The following BAIAP2 variants were observed in gnomAD, a reference collection of about 807,000 sequenced individuals.
BAIAP2 encodes BAR/IMD domain-containing adapter protein 2.
A neutral mutation model predicts 63.0 loss-of-function variants in BAIAP2; 18 were observed. The ratio of observed to expected loss-of-function variants is 0.29; its 90% CI spans 0.20 to 0.42. BAIAP2 has a LOEUF of 0.42. Among genes scored for constraint, BAIAP2 ranks in the 10% least tolerant of loss-of-function variants. BAIAP2 has a pLI of 1.00. For synonymous variants in BAIAP2, 386 were observed against 307.6 expected, an observed-to-expected ratio of 1.25 and a Z score of -2.67; for missense variants, 610 against 734.3, an observed-to-expected ratio of 0.83 and a Z score of 1.96.
chr17:81,072,153 G>C (rs1443729561), intron 3 of BAIAP2, among the ~76,000 whole-genome samples: 1 of 152,230 alleles, frequency 6.6e-6, no homozygotes, highest in Non-Finnish European at 1.5e-5. Flanking sequence ...AGCTTGGGGA[G>C]GGTGGGCTGG....
rs1408649867 is a variant in BAIAP2, at chr17:81,111,434, G to A, written c.1535+2925G>A. On this transcript the variant is annotated intron_variant, in intron 13 of 13. Transcript: ENST00000428708. ...GGGGAGAACCCTGGGGAGCTCCATA[G>A]GCACTGGAGCCAGGTGTTGGGCCCA... 2.0e-5 allele frequency among the ~76,000 whole-genome samples: 3 copies of A among 152,352 alleles called. No homozygotes were observed. The East Asian group carries it at 5.8e-4, about 29-fold the overall frequency.
intron 3 of BAIAP2, among the ~76,000 whole-genome samples, chr17:81,072,874 G>GCCTCACGGA (rs1329688052): frequency 2.6e-5 from 4 of 152,034 alleles, no homozygotes; most frequent in African/African-American, 9.7e-5. Flanking sequence ...TGTCCCGTGG[G>GCCTCACGGA]CCTCACGGAC....
At chr17:81,108,573 G>C (rs2146050442) in intron 13 of BAIAP2, 64 bp downstream of exon 13, 1 of 1,598,420 alleles carries the variant, frequency 6.3e-7, no homozygotes, top group South Asian at 1.1e-5. Context: ...GGGTGGGGCA[G>C]GTCCCTCTGC....
At chr17:81,099,139 C>G (rs368926678) in intron 6 of BAIAP2, among the ~76,000 whole-genome samples, 1 of 152,170 alleles carries the variant, frequency 6.6e-6, no homozygotes, top group South Asian at 2.1e-4. Flanking sequence ...ACCTGTGGAT[C>G]TGATCTTGCT....
At position 81,116,460 on chromosome 17, in the gene BAIAP2, C is replaced by A; in HGVS notation, c.*621C>A. On this transcript the variant is annotated 3_prime_UTR_variant, in exon 14 of 14. Coordinates refer to ENST00000428708, the MANE Select transcript of BAIAP2 (RefSeq NM_001144888.2). ...CTCCCCAGGCCCCTCCTGCCTCGGG[C>A]AGGCCCCAGCCCTCCTCCTTACCCA... 1.0e-6 allele frequency: 1 copy of A among 985,704 alleles called. No homozygotes were observed. Among genetic ancestry groups the A allele is most frequent in the Non-Finnish European group, 1.5e-6 (1 of 682,014 alleles). 61.1% of individuals were successfully genotyped at this position (985,704 alleles called of 1,614,324 possible). A position where few individuals can be genotyped will look rare whatever the true frequency, so the allele number is the denominator to read the frequency against.
intron 3 of BAIAP2, among the ~76,000 whole-genome samples, chr17:81,079,172 G>A (rs1457750811): frequency 6.6e-6 from 1 of 152,188 alleles, no homozygotes; most frequent in Admixed American, 6.5e-5. Context: ...AGCCTCACCT[G>A]ACTCAGGTGC....
intron 1 of BAIAP2, among the ~76,000 whole-genome samples, chr17:81,043,106 A>G (rs1198201703): frequency 1.1e-4 from 17 of 151,782 alleles, no homozygotes; most frequent in Admixed American, 1.1e-3. Flanking sequence ...GGGTCAAATG[A>G]TCCTCCCACC....
At chr17:81,084,761 C>T in intron 3 of BAIAP2, 71 bp from the exon 4 acceptor site, 1 of 1,514,400 alleles carries the variant, frequency 6.6e-7, no homozygotes, top group Non-Finnish European at 9.1e-7. Flanking sequence ...GCTGTCAGCC[C>T]AGAGTGGGAT....
chr17:81,099,043 G>A (rs539195585), intron 6 of BAIAP2, among the ~76,000 whole-genome samples: 22 of 142,556 alleles, frequency 1.5e-4, no homozygotes, highest in Non-Finnish European at 2.9e-4. Context: ...GCAGCTCCAA[G>A]GTGGAAGGGC....
At chr17:81,106,636 C>T (rs1227636944) in intron 11 of BAIAP2, 109 bp from the exon 12 acceptor site, 15 of 1,329,946 alleles carry the variant, frequency 1.1e-5, no homozygotes, top group East Asian at 2.4e-5. Context: ...GCAGCCTCCC[C>T]GCATGTGGCG....
intron 3 of BAIAP2, among the ~76,000 whole-genome samples, chr17:81,064,820 C>T (rs1052105952): frequency 1.3e-5 from 2 of 152,210 alleles, no homozygotes; most frequent in African/African-American, 4.8e-5. Flanking sequence ...TGTTTTTTCC[C>T]TGCAGTGAAA....
chr17:81,066,983 C>T (rs762280612), intron 3 of BAIAP2, among the ~76,000 whole-genome samples: 6 of 152,256 alleles, frequency 3.9e-5, no homozygotes, highest in Admixed American at 1.3e-4. Flanking sequence ...ATTTGAAGGC[C>T]TTAATTAGAT....
At chr17:81,044,482 C>T (rs2047520633) in intron 1 of BAIAP2, among the ~76,000 whole-genome samples, 1 of 152,206 alleles carries the variant, frequency 6.6e-6, no homozygotes, top group South Asian at 2.1e-4. Context: ...GGGATTAGGG[C>T]CCGCCCTAGT....
intron 6 of BAIAP2, among the ~76,000 whole-genome samples, chr17:81,088,792 C>T (rs2056184878): frequency 1.3e-5 from 2 of 152,272 alleles, no homozygotes; most frequent in African/African-American, 2.4e-5. Flanking sequence ...GGCCGTCTCC[C>T]TGGCACGGCC....
chr17:81,097,098 T>G (rs1435887927), intron 6 of BAIAP2, among the ~76,000 whole-genome samples: 1 of 152,226 alleles, frequency 6.6e-6, no homozygotes, highest in Non-Finnish European at 1.5e-5. Flanking sequence ...GTGATCAAAC[T>G]TCTCACTTCC....
In BAIAP2 at chr17:81,117,303, G is replaced by T. The variant is rs8071392; in HGVS notation, c.*1464G>T. 122,876 of 152,180 alleles carry T rather than the reference G, an allele frequency of 0.81. 49,820 individuals are homozygous for T. Among genetic ancestry groups the T allele is most frequent in the Middle Eastern group, 0.9 (265 of 294 alleles). 9.4% of individuals were successfully genotyped at this position (152,180 alleles called of 1,614,324 possible). On this transcript the variant is annotated 3_prime_UTR_variant, in exon 14 of 14. Transcript: ENST00000428708. ...AAGACAACACACAAAGGTTTCTTTT[G>T]TCTTAGCTTCATTTCTCTTAAAAAA...
chr17:81,109,474 T>C (rs2059634645), intron 13 of BAIAP2: 1 of 985,896 alleles, frequency 1.0e-6, no homozygotes. Context: ...CGGTGTGCGC[T>C]GTTATCTCGC....
At chr17:81,071,964 TCG>T (rs1284450435) in intron 3 of BAIAP2, among the ~76,000 whole-genome samples, 6 of 152,218 alleles carry the variant, frequency 3.9e-5, no homozygotes, top group Non-Finnish European at 5.9e-5. Flanking sequence ...GCCTCTCCTC[TCG>T]TCCGTGATCA....
At chr17:81,104,174 G>GCCT in intron 9 of BAIAP2, 66 bp downstream of exon 9, 3 of 1,548,614 alleles carry the variant, frequency 1.9e-6, no homozygotes, top group East Asian at 2.3e-5. Context: ...CTACAGTCAT[G>GCCT]CCACAACCCT....
Sources: gnomAD v4.1 joint callset for allele counts (sites outside exome capture counted in the v4.1 genomes callset) on GRCh38, gnomAD v4.1.1 for gene constraint, MANE v1.5 for transcripts, NCBI Gene and HGNC (gene_info 2026-07-23, HGNC 2026-07-21) for gene names.